PDE3A: variants seen among roughly 807,000 people sequenced by gnomAD.
PDE3A encodes the protein cGMP-inhibited 3',5'-cyclic phosphodiesterase 3A.
Under a neutral mutation model 98.3 loss-of-function variants are expected in PDE3A, and 43 were observed. The ratio of observed to expected loss-of-function variants is 0.44; its 90% CI spans 0.34 to 0.56. The LOEUF (loss-of-function observed/expected upper bound fraction) is 0.56. Ranked by LOEUF, PDE3A falls within the 20% of genes least tolerant of loss-of-function variation. The pLI is 0.01. For missense variants in PDE3A, 1,427 were observed against 1,440.7 expected, an observed-to-expected ratio of 0.99 and a Z score of 0.15; for synonymous variants, 663 against 567.9, an observed-to-expected ratio of 1.17 and a Z score of -2.38.
chr12:20,379,183 C>T (rs1490205988), intron 1 of PDE3A, among the ~76,000 whole-genome samples: 1 of 151,830 alleles, frequency 6.6e-6, no homozygotes, highest in East Asian at 1.9e-4. Flanking sequence ...ATGTTTAATT[C>T]TGTGGCAACA....
chr12:20,581,616 C>CTT (rs1158345396), intron 2 of PDE3A, among the ~76,000 whole-genome samples: 1 of 4,172 alleles, frequency 2.4e-4, no homozygotes, highest in Non-Finnish European at 4.9e-4. Context: ...CTTTTCTTTT[C>CTT]TTTTTTTTTT....
intron 12 of PDE3A, among the ~76,000 whole-genome samples, chr12:20,647,748 A>C (rs1276958811): frequency 2.0e-5 from 3 of 152,108 alleles, no homozygotes; most frequent in Non-Finnish European, 4.4e-5. Flanking sequence ...TTGAATCTAT[A>C]TACAATAAAA....
chr12:20,415,218 C>A lies in PDE3A; in HGVS notation c.960+44974C>A, dbSNP rs547277357. On this transcript the variant is annotated intron_variant, in intron 1 of 15. Coordinates refer to ENST00000359062, the MANE Select transcript of PDE3A (RefSeq NM_000921.5). ...TTTCCCACGCTCCTTTTTTGGCTCT[C>A]ATTTGGCATCGATCCTGAGTTTGAC... Among the ~76,000 whole-genome samples the A allele has an allele frequency of 2.2e-4, 33 of 152,020 alleles. No individual in the cohort carries two copies. The East Asian group carries it at 6.0e-3, about 28-fold the overall frequency.
intron 8 of PDE3A, among the ~76,000 whole-genome samples, chr12:20,635,895 GT>G (rs1345978903): frequency 2.8e-4 from 43 of 151,766 alleles, no homozygotes. Flanking sequence ...TCTCTTAATG[GT>G]TCTATTATCT....
intron 1 of PDE3A, among the ~76,000 whole-genome samples, chr12:20,386,173 A>AATATATAAC (rs1943791467): frequency 6.6e-5 from 5 of 75,994 alleles, no homozygotes; most frequent in African/African-American, 2.5e-4. Context: ...AAATATATAA[A>AATATATAAC]AATATATATA....
intron 2 of PDE3A, among the ~76,000 whole-genome samples, chr12:20,593,859 G>T (rs191037777): frequency 6.6e-6 from 1 of 152,036 alleles, no homozygotes; most frequent in Non-Finnish European, 1.5e-5. Context: ...ATAACATAGG[G>T]TGAGGGCTGG....
chr12:20,679,847 C>T (rs553456622), intron 15 of PDE3A, among the ~76,000 whole-genome samples, 183 bp from the exon 16 acceptor site: 1 of 126,472 alleles, frequency 7.9e-6, no homozygotes, highest in Non-Finnish European at 1.6e-5. Flanking sequence ...TCCAAAACTG[C>T]ATTATTATAA....
intron 2 of PDE3A, among the ~76,000 whole-genome samples, chr12:20,610,030 G>GA (rs529672877): frequency 1.1e-3 from 166 of 151,746 alleles, no homozygotes; most frequent in African/African-American, 3.7e-3. Flanking sequence ...GGCCAAAAGA[G>GA]AAAAAATAAG....
intron 1 of PDE3A, among the ~76,000 whole-genome samples, chr12:20,497,571 C>A (rs1945943419): frequency 6.7e-6 from 1 of 148,776 alleles, no homozygotes. Flanking sequence ...ATAATTCTAA[C>A]CAAAATAATA....
rs1042262 is a variant in PDE3A, at chr12:20,369,473, C to T, written c.189C>T (p.Ser63=). 6 of 1,555,588 alleles carry T rather than the reference C, an allele frequency of 3.9e-6. No homozygotes were observed. The African/African-American group carries it at 6.8e-5, about 18-fold the overall frequency. The change falls in exon 1 of 16, where the codon TCC becomes TCT. Residue 63 remains serine, a synonymous_variant. Coordinates refer to ENST00000359062, the MANE Select transcript of PDE3A (RefSeq NM_000921.5). ...QPLRSSRKLS[S]ALCAGSLSFL... The stretch of plus-strand genomic sequence containing the variant: ...TCCGGAGCTCTCGGAAACTTTCCTC[C>T]GCGCTGTGCGCGGGCTCCCTGTCCT...
intron 15 of PDE3A, among the ~76,000 whole-genome samples, chr12:20,679,462 T>C (rs1845464447): frequency 6.6e-6 from 1 of 152,150 alleles, no homozygotes; most frequent in Admixed American, 6.5e-5. Flanking sequence ...TTAGCCAGGA[T>C]GGTCTCAATC....
chr12:20,665,851 A>G (rs1439637681), intron 15 of PDE3A, among the ~76,000 whole-genome samples: 2 of 150,840 alleles, frequency 1.3e-5, no homozygotes, highest in African/African-American at 4.9e-5. Flanking sequence ...ATCAATATAT[A>G]TTTGTACATA....
chr12:20,408,158 A>G (rs1944268679), intron 1 of PDE3A, among the ~76,000 whole-genome samples: 1 of 152,022 alleles, frequency 6.6e-6, no homozygotes, highest in Admixed American at 6.6e-5. Context: ...TGACCTTGTG[A>G]TCCACCCGCT....
chr12:20,608,782 A>C (rs1252854411), intron 2 of PDE3A, among the ~76,000 whole-genome samples: 1 of 152,040 alleles, frequency 6.6e-6, no homozygotes, highest in African/African-American at 2.4e-5. Flanking sequence ...AACATGTTCT[A>C]CTTTTTCTTC....
chr12:20,539,389 T>C (rs1002669642), intron 1 of PDE3A, among the ~76,000 whole-genome samples: 2 of 152,080 alleles, frequency 1.3e-5, no homozygotes. Flanking sequence ...GGGCATCCTG[T>C]GGCAAAAAAA....
chr12:20,466,611 T>G (rs1372139381), intron 1 of PDE3A, among the ~76,000 whole-genome samples: 3 of 152,230 alleles, frequency 2.0e-5, no homozygotes, highest in Non-Finnish European at 4.4e-5. Flanking sequence ...GTATTATTTT[T>G]AAGTGTCTCA....
chr12:20,449,595 G>A lies in PDE3A; in HGVS notation c.960+79351G>A, dbSNP rs995650040. On this transcript the variant is annotated intron_variant, in intron 1 of 15. Coordinates refer to ENST00000359062, the MANE Select transcript of PDE3A (RefSeq NM_000921.5). ...TGTGGGGTATCTGAATGCACTGCAC[G>A]GGGTCTCTGCTCACACTTACTGGAG... 8 of 347,538 alleles carry A rather than the reference G, an allele frequency of 2.3e-5. 1 individual carries two copies. The highest frequency in any genetic ancestry group is 4.8e-5 in the East Asian group (1 of 20,978). The allele number at this position is 347,538 out of a possible 1,614,324, so 21.5% of individuals were successfully genotyped here.
intron 1 of PDE3A, among the ~76,000 whole-genome samples, chr12:20,462,636 T>A (rs2120932130): frequency 6.6e-6 from 1 of 152,318 alleles, no homozygotes; most frequent in Non-Finnish European, 1.5e-5. Context: ...AATTTTAGTT[T>A]GATTTTTTGG....
At chr12:20,537,653 A>C (rs1322111338) in intron 1 of PDE3A, among the ~76,000 whole-genome samples, 1 of 152,118 alleles carries the variant, frequency 6.6e-6, no homozygotes, top group Non-Finnish European at 1.5e-5. Context: ...TACTCTGAGC[A>C]CACAATATTA....
Sources: allele counts gnomAD v4.1 joint callset (sites outside exome capture counted in the v4.1 genomes callset), GRCh38; gene constraint gnomAD v4.1.1; transcripts MANE v1.5; gene names NCBI Gene and HGNC (gene_info 2026-07-23, HGNC 2026-07-21).